The following CELSR1 variants were observed in gnomAD, a reference collection of about 807,000 sequenced individuals.
CELSR1 encodes cadherin EGF LAG seven-pass G-type receptor 1.
Under a neutral mutation model 249.1 loss-of-function variants are expected in CELSR1, and 110 were observed. The ratio of observed to expected loss-of-function variants is 0.44; its 90% confidence interval spans 0.38 to 0.52. The LOEUF (loss-of-function observed/expected upper bound fraction) is 0.52, where lower values mean the gene tolerates loss of function less well. Among genes scored for constraint, CELSR1 ranks in the 20% least tolerant of loss-of-function variants. The pLI, the probability that CELSR1 is intolerant of heterozygous loss-of-function variation, is 0.00. For missense variants in CELSR1, 4,109 were observed against 4,296.4 expected, an observed-to-expected ratio of 0.96 and a Z score of 1.22; for synonymous variants, 2,113 against 1,900.0, an observed-to-expected ratio of 1.11 and a Z score of -2.92.
rs531039116 is a variant in CELSR1 at position 46,429,510 on chromosome 22, G to A, written c.4611+3883C>T. 9.8e-5 allele frequency among the ~76,000 whole-genome samples: 15 copies of A among 152,362 alleles called. No individual in the cohort carries two copies. Among genetic ancestry groups the A allele is most frequent in the East Asian group, 1.9e-4 (1 of 5,188 alleles). On this transcript the variant is annotated intron_variant, in intron 5 of 34. Transcript: ENST00000674500. The surrounding 1 kb of genome is among the most constrained non-coding windows in gnomAD (Gnocchi z 4.1). Reference sequence around the variant, plus strand: ...ACAAGTGCCTGCCTTTGAAAAGACCGTCCTGGAAAAACGTCCGACTCCAAT... The same window carrying A: ...ACAAGTGCCTGCCTTTGAAAAGACCATCCTGGAAAAACGTCCGACTCCAAT...
rs1057404431 is a variant in CELSR1 at position 46,399,398 on chromosome 22, C to T, written c.5412+319G>A. On this transcript the variant is annotated intron_variant, in intron 10 of 34. Coordinates refer to ENST00000674500, the MANE Select transcript of CELSR1 (RefSeq NM_001378328.1). The surrounding 1 kb of genome is among the most constrained non-coding windows in gnomAD (Gnocchi z 5.0). ...ACTTCAGTACCCTAAAGACATGGTG[C>T]TGAGCCTGCAGGTGTTGCTCAAGAT... Among the ~76,000 whole-genome samples the T allele has an allele frequency of 6.6e-6, 1 of 152,202 alleles. No homozygotes were observed. The highest frequency in any genetic ancestry group is 1.5e-5 in the Non-Finnish European group (1 of 68,036).
At chr22:46,492,733 C>T (rs963460425) in intron 1 of CELSR1, among the ~76,000 whole-genome samples, 53 of 150,314 alleles carry the variant, frequency 3.5e-4, no homozygotes, top group African/African-American at 9.3e-4. Context: ...GAGAATCGCT[C>T]GAGGCAAGAT....
At chr22:46,369,373 C>A (rs2078825411) in intron 26 of CELSR1, 115 bp from the exon 27 acceptor site, 1 of 879,028 alleles carries the variant, frequency 1.1e-6, no homozygotes, top group Non-Finnish European at 1.8e-6. Flanking sequence ...GTGAGGAGGA[C>A]CCGAACCCTG....
intron 1 of CELSR1, among the ~76,000 whole-genome samples, chr22:46,530,882 T>C (rs769840971): frequency 6.6e-6 from 1 of 152,138 alleles, no homozygotes; most frequent in Non-Finnish European, 1.5e-5. Flanking sequence ...ACGTAGTCGA[T>C]GGCTGGCCTG....
intron 19 of CELSR1, among the ~76,000 whole-genome samples, chr22:46,385,422 C>T (rs1181553907): frequency 6.6e-6 from 1 of 152,188 alleles, no homozygotes. Context: ...ACAGAACTGA[C>T]TTCCAACTTC....
At chr22:46,422,965 G>T (rs111747284) in intron 5 of CELSR1, among the ~76,000 whole-genome samples, 1 of 152,184 alleles carries the variant, frequency 6.6e-6, no homozygotes, top group Non-Finnish European at 1.5e-5. Flanking sequence ...TGCACTGTAC[G>T]TCTGGCCTCT....
chr22:46,512,250 G>A lies in CELSR1; in HGVS notation c.3544+21377C>T, dbSNP rs2080581267. Among the ~76,000 whole-genome samples the A allele has an allele frequency of 6.7e-6, 1 of 150,070 alleles. No homozygotes were observed. On this transcript the variant is annotated intron_variant, in intron 1 of 34. Transcript: ENST00000674500. This position sits in a 1 kb window ranked among gnomAD's most constrained non-coding sequence, Gnocchi z 5.2. ...GCAGAGGAGGACCAAGAAGCACTCA[G>A]GGACTGAGGTGTCAGCCCCCAAATC...
rs199940604 is a variant in CELSR1 at position 46,535,248 on chromosome 22, C to T, written c.1923G>A (p.Val641=). The T allele has an allele frequency of 3.9e-5, 62 of 1,609,942 alleles. No homozygotes were observed. The highest frequency in any genetic ancestry group is 1.0e-4 in the Admixed American group (6 of 60,014). The change falls in exon 1 of 35, where the codon GTG becomes GTA. Residue 641 remains valine (V), a synonymous_variant. Transcript: ENST00000674500. ...QIHNSSGWIT[V]CAELDREEVE... ...CCTCCTCGCGGTCCAGCTCGGCACA[C>T]ACTGTGATCCAACCGGAGCTGTTGT...
In CELSR1 at chr22:46,534,393, ACGCCCATTGGGACCTGAGTCCCGGTC is replaced by A; in HGVS notation, c.2752_2777del (p.Asp918SerfsTer54). ...CCCCACCCTGGAAGGTGTACAGCAG[ACGCCCATTGGGACCTGAGTCCCGGTC>A]CGTGGCAGAGACCTGGAGGATGCTG... On this transcript the variant is annotated frameshift_variant, in exon 1 of 35. Transcript: ENST00000674500. LOFTEE classifies it high-confidence loss of function. This position sits in a 1 kb window ranked among gnomAD's most constrained non-coding sequence, Gnocchi z 9.7. 1 of 1,612,878 alleles carries A rather than the reference ACGCCCATTGGGACCTGAGTCCCGGTC, an allele frequency of 6.2e-7. No homozygotes were observed. The highest frequency in any genetic ancestry group is 8.5e-7 in the Non-Finnish European group (1 of 1,180,022).
chr22:46,397,826 G>A lies in CELSR1; in HGVS notation c.5549C>T (p.Pro1850Leu). The change falls in exon 12 of 35, where the codon CCC (proline) becomes CTC (leucine). Residue 1850 changes from proline to leucine, a missense_variant. Pro to Leu is a moderately conservative substitution (Grantham distance 98, BLOSUM62 -3). Around this residue, in one of 7 missense-constraint regions of CELSR1, gnomAD observed 1,805 missense variants for 1,831.6 expected, o/e 0.99. Transcript: ENST00000674500. Reference sequence around the variant, plus strand: ...CATGTTCAGGGTGGCGACGTTGGTGGGCGTCCCCCCCATCCTCACTCCCTG... The same window carrying A: ...CATGTTCAGGGTGGCGACGTTGGTGAGCGTCCCCCCCATCCTCACTCCCTG... ...CMQGVRMGGTPTNVATLNMNN... is the reference protein window; with the variant it reads ...CMQGVRMGGTLTNVATLNMNN... 1 of 1,584,718 alleles carries A rather than the reference G, an allele frequency of 6.3e-7. No individual in the cohort carries two copies. Among genetic ancestry groups the A allele is most frequent in the Admixed American group, 1.7e-5 (1 of 57,404 alleles).
Position 46,534,653 on chromosome 22 carries a change from C to T in CELSR1, c.2518G>A (p.Asp840Asn), listed in dbSNP as rs748528230. ...ATCATGGTGTACATGGTGCCACTGT[C>T]GGGGTCAATGCGGAACTGCGGCACG... ...DPVPQFRIDP[D>N]SGTMYTMMEL... Residue 840 changes from aspartate to asparagine, a missense_variant, in exon 1 of 35, where the codon GAC (aspartate) becomes AAC (asparagine). Asp to Asn is a conservative substitution (Grantham distance 23). This residue lies in a region of CELSR1 where 886 missense variants were observed against 896.5 expected (regional missense o/e 0.99). Coordinates refer to ENST00000674500, the MANE Select transcript of CELSR1 (RefSeq NM_001378328.1). This position sits in a 1 kb window ranked among gnomAD's most constrained non-coding sequence, Gnocchi z 9.7. The T allele has an allele frequency of 1.2e-5, 19 of 1,613,824 alleles. 1 individual carries two copies. Among genetic ancestry groups the T allele is most frequent in the South Asian group, 1.1e-4 (10 of 91,080 alleles).
At chr22:46,515,770 G>A (rs1426258126) in intron 1 of CELSR1, among the ~76,000 whole-genome samples, 1 of 152,222 alleles carries the variant, frequency 6.6e-6, no homozygotes, top group Non-Finnish European at 1.5e-5. Flanking sequence ...TAGGAAGGCA[G>A]CCCCGGCAGG....
At chr22:46,452,194 G>C (rs530238075) in intron 2 of CELSR1, among the ~76,000 whole-genome samples, 2 of 152,140 alleles carry the variant, frequency 1.3e-5, no homozygotes, top group African/African-American at 4.8e-5. Flanking sequence ...GAGGAAACCA[G>C]CCAGTCAGCA....
rs2079551003 is a variant in CELSR1 at position 46,427,659 on chromosome 22, C to T, written c.4611+5734G>A. On this transcript the variant is annotated intron_variant, in intron 5 of 34. Transcript: ENST00000674500. This position sits in a 1 kb window ranked among gnomAD's most constrained non-coding sequence, Gnocchi z 4.2. ...ACTGTTGGCAATGGTTGTTGACGTT[C>T]CGCTGTCGGAGGACCTTATATTCTA... is the stretch of plus-strand genomic sequence containing the variant. Among the ~76,000 whole-genome samples, 1 of 152,234 alleles carries T rather than the reference C, an allele frequency of 6.6e-6. No homozygotes were observed. The highest frequency in any genetic ancestry group is 1.5e-5 in the Non-Finnish European group (1 of 68,042).
chr22:46,432,855 A>AC (rs572375736), intron 5 of CELSR1, among the ~76,000 whole-genome samples: 6 of 151,508 alleles, frequency 4.0e-5, no homozygotes, highest in African/African-American at 1.5e-4. Flanking sequence ...GTCCCTGTGT[A>AC]CCCCCCGACC....
chr22:46,363,698 A>C lies in CELSR1; in HGVS notation c.9035+298T>G. ...GTGGCAGTGGTCCCAGGCGGAGACA[A>C]TGCTGATCAAACGCAGAGCCCAGCA... On this transcript the variant is annotated intron_variant, in intron 34 of 34. Coordinates refer to ENST00000674500, the MANE Select transcript of CELSR1 (RefSeq NM_001378328.1). This position sits in a 1 kb window ranked among gnomAD's most constrained non-coding sequence, Gnocchi z 4.3. 1 of 454,178 alleles carries C rather than the reference A, an allele frequency of 2.2e-6. No individual in the cohort carries two copies. Among genetic ancestry groups the C allele is most frequent in the Non-Finnish European group, 3.9e-6 (1 of 255,772 alleles). 28.1% of individuals were successfully genotyped at this position (454,178 alleles called of 1,614,324 possible).
At chr22:46,388,638 C>T (rs1038655128) in intron 18 of CELSR1, among the ~76,000 whole-genome samples, 7 of 152,136 alleles carry the variant, frequency 4.6e-5, no homozygotes, top group African/African-American at 1.7e-4. Context: ...CTCTGGGGGT[C>T]CTGTCTGGAC....
chr22:46,447,971 C>T lies in CELSR1; in HGVS notation c.4184-8560G>A, dbSNP rs1027779253. ...AAAGCTCCCAGGAGCCAAGGCCCAT[C>T]CAGCCCTCATGGCCTCATGCACCTG... On this transcript the variant is annotated intron_variant, in intron 2 of 34. Transcript: ENST00000674500. This position sits in a 1 kb window ranked among gnomAD's most constrained non-coding sequence, Gnocchi z 4.7. 3.3e-5 allele frequency among the ~76,000 whole-genome samples: 5 copies of T among 152,234 alleles called. No homozygotes were observed. The highest frequency in any genetic ancestry group is 1.2e-4 in the African/African-American group (5 of 41,478).
rs925937242 is a variant in CELSR1 at position 46,406,448 on chromosome 22, G to A, written c.5226+2548C>T. ...CAGGAGGCTCCCTGTCCAGGCCTGA[G>A]CCCCTGCCCCACAGCCCCGACCCAT... On this transcript the variant is annotated intron_variant, in intron 9 of 34. Transcript: ENST00000674500. The surrounding 1 kb of genome is among the most constrained non-coding windows in gnomAD (Gnocchi z 5.4). Among the ~76,000 whole-genome samples, 2 of 152,186 alleles carry A rather than the reference G, an allele frequency of 1.3e-5. No individual in the cohort carries two copies. The highest frequency in any genetic ancestry group is 2.9e-5 in the Non-Finnish European group (2 of 68,022).
Sources: allele counts gnomAD v4.1 joint callset (sites outside exome capture counted in the v4.1 genomes callset), GRCh38; gene constraint gnomAD v4.1.1; regional missense constraint gnomAD v4.1.1; non-coding constraint Gnocchi (gnomAD v3.1); transcripts MANE v1.5; gene names NCBI Gene and HGNC (gene_info 2026-07-23, HGNC 2026-07-21).